Variants in TMCO4 observed in about 807,000 individuals in gnomAD.
TMCO4 encodes transmembrane and coiled-coil domains 4, also known as transmembrane and coiled-coil domain-containing protein 4.
In TMCO4, 58 loss-of-function variants were observed where a neutral mutation model predicts 64.7. The observed-to-expected ratio is 0.90, with a 90% CI of 0.73 to 1.12. The LOEUF (loss-of-function observed/expected upper bound fraction) is 1.12. Among genes scored for constraint, TMCO4 ranks in the 50% most tolerant of loss-of-function variants. The pLI is 0.00. For missense variants in TMCO4, 780 were observed against 825.9 expected, an observed-to-expected ratio of 0.94 and a Z score of 0.68; for synonymous variants, 325 against 346.1, an observed-to-expected ratio of 0.94 and a Z score of 0.68.
At chr1:19,771,024 T>C (rs538329941) in intron 5 of TMCO4, among the ~76,000 whole-genome samples, 2 of 152,294 alleles carry the variant, frequency 1.3e-5, no homozygotes, top group East Asian at 3.9e-4. Flanking sequence ...TGTGTCTCAG[T>C]TTCCTCAACT....
chr1:19,699,375 C>T (rs1032706923), intron 14 of TMCO4, among the ~76,000 whole-genome samples: 2 of 151,646 alleles, frequency 1.3e-5, no homozygotes, highest in Non-Finnish European at 2.9e-5. Context: ...ACACTGAATT[C>T]AGGGAAGTTG....
At position 19,696,350 on chromosome 1, in the gene TMCO4, G is replaced by A. The variant is rs115174924; in HGVS notation, c.1383-1799C>T. Among the ~76,000 whole-genome samples, 330 of 152,154 alleles carry A rather than the reference G, an allele frequency of 2.2e-3. 1 individual carries two copies. The highest frequency in any genetic ancestry group is 7.7e-3 in the African/African-American group (319 of 41,510). ...GGATTGCTCGGGCCCAGGCATTTGA[G>A]ACCAGCCTAGGCAACACAGGGAGAC... On this transcript the variant is annotated intron_variant, in intron 14 of 15. Coordinates refer to ENST00000294543, the MANE Select transcript of TMCO4 (RefSeq NM_181719.7).
intron 13 of TMCO4, among the ~76,000 whole-genome samples, chr1:19,704,650 GTCT>G (rs2095292919): frequency 6.6e-6 from 1 of 152,246 alleles, no homozygotes; most frequent in Admixed American, 6.5e-5. Context: ...GCCTGGCAGA[GTCT>G]GCCCTGCTAA....
At chr1:19,767,754 G>T (rs997262460) in intron 6 of TMCO4, among the ~76,000 whole-genome samples, 3 of 152,162 alleles carry the variant, frequency 2.0e-5, no homozygotes, top group African/African-American at 7.2e-5. Flanking sequence ...GTGTCTGCAA[G>T]GAAGCCCCTT....
intron 4 of TMCO4, among the ~76,000 whole-genome samples, chr1:19,772,018 C>A (rs1178604277): frequency 6.6e-6 from 1 of 152,180 alleles, no homozygotes; most frequent in African/African-American, 2.4e-5. Flanking sequence ...GGCTGATAAG[C>A]CACAGCAATG....
In TMCO4 at chr1:19,732,075, T is replaced by G. The variant is rs150536490; in HGVS notation, c.1264+5297A>C. 6.6e-6 allele frequency among the ~76,000 whole-genome samples: 1 copy of G among 152,200 alleles called. No individual in the cohort carries two copies. Among genetic ancestry groups the G allele is most frequent in the African/African-American group, 2.4e-5 (1 of 41,448 alleles). ...AGCGGGGCCTGTGCACCCAGCTGCA[T>G]GGGAGGAGCTGCCTTCTGTCCCACA... is the stretch of plus-strand genomic sequence containing the variant. On this transcript the variant is annotated intron_variant, in intron 13 of 15. Transcript: ENST00000294543. The surrounding 1 kb of genome is among the most constrained non-coding windows in gnomAD (Gnocchi z 4.8).
At chr1:19,685,792 T>C (rs10917515) in intron 15 of TMCO4, among the ~76,000 whole-genome samples, 106,393 of 149,210 alleles carry the variant, frequency 0.71, 38,562 homozygotes, top group Non-Finnish European at 0.79. Flanking sequence ...TGGCTCACTT[T>C]AAGCTCTGCC....
At chr1:19,694,277 C>T (rs568079012) in intron 15 of TMCO4, among the ~76,000 whole-genome samples, 157 bp downstream of exon 15, 2 of 152,212 alleles carry the variant, frequency 1.3e-5, no homozygotes, top group African/African-American at 2.4e-5. Context: ...GCCGGGATTA[C>T]AGGCATGAGC....
At chr1:19,731,220 C>T (rs992495275) in intron 13 of TMCO4, among the ~76,000 whole-genome samples, 1 of 152,034 alleles carries the variant, frequency 6.6e-6, no homozygotes, top group African/African-American at 2.4e-5. Flanking sequence ...AGGTTCTGAC[C>T]CTGTGGGAGG....
intron 3 of TMCO4, among the ~76,000 whole-genome samples, chr1:19,785,660 A>G (rs951154650): frequency 3.3e-5 from 5 of 152,230 alleles, no homozygotes; most frequent in African/African-American, 1.2e-4. Context: ...AAAGCGACCT[A>G]AGTTGGTCAA....
intron 14 of TMCO4, among the ~76,000 whole-genome samples, chr1:19,696,229 T>C (rs185612545): frequency 3.4e-4 from 51 of 152,212 alleles, no homozygotes; most frequent in Non-Finnish European, 4.9e-4. Context: ...ATTATCCTAA[T>C]ATTGAGGGTC....
At chr1:19,718,138 G>A (rs2095365042) in intron 13 of TMCO4, among the ~76,000 whole-genome samples, 1 of 151,968 alleles carries the variant, frequency 6.6e-6, no homozygotes, top group Non-Finnish European at 1.5e-5. Flanking sequence ...TTCAAGACCA[G>A]CCTGGCCAAC....
chr1:19,761,358 G>A (rs2042494735), intron 6 of TMCO4, among the ~76,000 whole-genome samples: 1 of 152,200 alleles, frequency 6.6e-6, no homozygotes, highest in Non-Finnish European at 1.5e-5. Context: ...ATCAGCCCAT[G>A]ATCAATGGGT....
At chr1:19,762,000 T>C (rs891655247) in intron 6 of TMCO4, among the ~76,000 whole-genome samples, 4 of 152,226 alleles carry the variant, frequency 2.6e-5, no homozygotes, top group Admixed American at 2.6e-4. Flanking sequence ...TAGGAGGTTG[T>C]CACTATGATG....
chr1:19,795,729 C>A (rs1434106892), intron 2 of TMCO4, among the ~76,000 whole-genome samples: 1 of 152,104 alleles, frequency 6.6e-6, no homozygotes, highest in African/African-American at 2.4e-5. Flanking sequence ...GGTCTTAGGC[C>A]ACGGGCAGCC....
chr1:19,718,087 C>T (rs1257006259), intron 13 of TMCO4, among the ~76,000 whole-genome samples: 4 of 152,050 alleles, frequency 2.6e-5, no homozygotes, highest in Admixed American at 6.6e-5. Context: ...AATTGTAGCA[C>T]TTAGGGATGC....
At chr1:19,737,857 T>C (rs1467141619) in intron 12 of TMCO4, among the ~76,000 whole-genome samples, 1 of 152,212 alleles carries the variant, frequency 6.6e-6, no homozygotes, top group African/African-American at 2.4e-5. Flanking sequence ...GCTGGGGAGA[T>C]TAGACAGAAG....
intron 6 of TMCO4, among the ~76,000 whole-genome samples, chr1:19,769,448 C>T (rs557168298): frequency 6.6e-6 from 1 of 152,326 alleles, no homozygotes; most frequent in African/African-American, 2.4e-5. Context: ...GCCCTGCTGA[C>T]CTTCCCCTGT....
At chr1:19,779,761 C>T (rs1348614670) in intron 4 of TMCO4, among the ~76,000 whole-genome samples, 2 of 152,196 alleles carry the variant, frequency 1.3e-5, no homozygotes, top group African/African-American at 4.8e-5. Context: ...ATAGTAGGGG[C>T]TCAACAAATG....
Sources: gnomAD v4.1 joint callset for allele counts (sites outside exome capture counted in the v4.1 genomes callset) on GRCh38, gnomAD v4.1.1 for gene constraint, Gnocchi (gnomAD v3.1) non-coding constraint, MANE v1.5 for transcripts, NCBI Gene and HGNC (gene_info 2026-07-23, HGNC 2026-07-21) for gene names.